XRCC5: variants seen among roughly 807,000 people sequenced by gnomAD.
XRCC5 encodes the protein X-ray repair cross complementing 5, also known as DNA repair protein Ku80.
Under a neutral mutation model 95.7 loss-of-function variants are expected in XRCC5, and 12 were observed. The observed-to-expected ratio is 0.13, with a 90% CI of 0.08 to 0.20. The LOEUF (loss-of-function observed/expected upper bound fraction) is 0.20. Among genes scored for constraint, XRCC5 ranks in the 10% least tolerant of loss-of-function variants. The probability of loss-of-function intolerance (pLI) is 1.00; values close to 1 mark genes in which losing one functional copy is unlikely to be tolerated. For synonymous variants in XRCC5, 281 were observed against 290.3 expected, an observed-to-expected ratio of 0.97 and a Z score of 0.33; for missense variants, 595 against 873.9, an observed-to-expected ratio of 0.68 and a Z score of 4.02.
At chr2:216,181,013 G>C (rs1446665145) in intron 16 of XRCC5, among the ~76,000 whole-genome samples, 1 of 151,732 alleles carries the variant, frequency 6.6e-6, no homozygotes. Flanking sequence ...GGGTTTCTCT[G>C]TATTGGTCAG....
At position 216,187,819 on chromosome 2, in the gene XRCC5, ACACTCTCTCTCT is replaced by A. The variant is rs1489156425; in HGVS notation, c.1835-2404_1835-2393del. Among the ~76,000 whole-genome samples the A allele has an allele frequency of 2.5e-4, 13 of 51,002 alleles. No homozygotes were observed. In the Admixed American group the frequency reaches 2.7e-3, roughly 11 times the overall value. The allele number at this position is 51,002 out of a possible 152,430, so 33.5% of individuals were successfully genotyped here. On this transcript the variant is annotated intron_variant, in intron 16 of 20. Transcript: ENST00000392132. The stretch of plus-strand genomic sequence containing the variant: ...CACACACACACACACACACACACAC[ACACTCTCTCTCT>A]CTCTCTCTCTCTCTCTCTCTCTCTC...
chr2:216,187,688 C>T (rs1370877626), intron 16 of XRCC5, among the ~76,000 whole-genome samples: 1 of 151,478 alleles, frequency 6.6e-6, no homozygotes, highest in Non-Finnish European at 1.5e-5. Context: ...TCTTTTTACT[C>T]TTTTCCGTGT....
chr2:216,111,516 T>C (rs1487940154), intron 1 of XRCC5: 2 of 292,326 alleles, frequency 6.8e-6, no homozygotes, highest in South Asian at 4.9e-5. Context: ...AGTGAGACCA[T>C]GTCTCAAAAA....
intron 14 of XRCC5, among the ~76,000 whole-genome samples, chr2:216,150,450 T>A (rs1441952013): frequency 1.3e-5 from 2 of 152,174 alleles, no homozygotes; most frequent in African/African-American, 2.4e-5. Flanking sequence ...TTAGGCAATT[T>A]CGTTGTGCGA....
At chr2:216,164,125 C>T (rs1443358249) in intron 16 of XRCC5, among the ~76,000 whole-genome samples, 1 of 152,150 alleles carries the variant, frequency 6.6e-6, no homozygotes, top group African/African-American at 2.4e-5. Context: ...TTACAGGGTG[C>T]TCGGAAAGTG....
At position 216,137,981 on chromosome 2, in the gene XRCC5, G is replaced by GC. The variant is rs576299749; in HGVS notation, c.1252-108_1252-107insC. 4.0e-4 allele frequency: 397 copies of GC among 985,330 alleles called. 3 individuals are homozygous for GC. In the African/African-American group the frequency reaches 6.0e-3, roughly 15 times the overall value. The allele number at this position is 985,330 out of a possible 1,614,324, so 61.0% of individuals were successfully genotyped here. On this transcript the variant is annotated intron_variant, in intron 11 of 20. Coordinates refer to ENST00000392132, the MANE Select transcript of XRCC5 (RefSeq NM_021141.4). ...TTCATATGCCAGAGTTGGGCTGTCC[G>GC]ATTTTTGAAATATTTCTGTTATGCT... is the stretch of plus-strand genomic sequence containing the variant.
intron 19 of XRCC5, among the ~76,000 whole-genome samples, chr2:216,197,448 G>GA (rs369842827): frequency 0.54 from 59,971 of 110,088 alleles, 15,719 homozygotes; most frequent in East Asian, 0.8. Flanking sequence ...TCTGTCCCAG[G>GA]AAAAAAAAAA....
intron 13 of XRCC5, among the ~76,000 whole-genome samples, chr2:216,145,704 T>C (rs1264953269): frequency 6.6e-6 from 1 of 152,214 alleles, no homozygotes; most frequent in Non-Finnish European, 1.5e-5. Flanking sequence ...GAACATCTCT[T>C]GTAGATCCTT....
intron 16 of XRCC5, among the ~76,000 whole-genome samples, chr2:216,169,339 C>G (rs531703749): frequency 1.3e-5 from 2 of 152,328 alleles, no homozygotes; most frequent in South Asian, 4.1e-4. Context: ...AAGGTCTTTT[C>G]AGGACACAGC....
intron 6 of XRCC5, among the ~76,000 whole-genome samples, chr2:216,125,114 TA>T (rs1696881413): frequency 6.6e-6 from 1 of 152,162 alleles, no homozygotes; most frequent in Non-Finnish European, 1.5e-5. Flanking sequence ...ATTAATGAAT[TA>T]TAGAGTTGTA....
intron 13 of XRCC5, among the ~76,000 whole-genome samples, chr2:216,146,313 T>C (rs1470800698): frequency 6.7e-6 from 1 of 150,056 alleles, no homozygotes; most frequent in East Asian, 1.9e-4. Context: ...GGACATTGAC[T>C]CTTGGATGAT....
intron 12 of XRCC5, among the ~76,000 whole-genome samples, chr2:216,140,191 A>G (rs927133314): frequency 1.3e-5 from 2 of 152,262 alleles, no homozygotes; most frequent in Non-Finnish European, 2.9e-5. Context: ...TGGGTAAAAA[A>G]GAAATATCTG....
intron 14 of XRCC5, among the ~76,000 whole-genome samples, chr2:216,159,670 G>C (rs1316861897): frequency 6.6e-6 from 1 of 152,198 alleles, no homozygotes; most frequent in African/African-American, 2.4e-5. Context: ...AAAGCTAATA[G>C]CTGTCAATTC....
chr2:216,200,045 CA>C (rs2106053717), intron 19 of XRCC5, among the ~76,000 whole-genome samples: 1 of 151,226 alleles, frequency 6.6e-6, no homozygotes, highest in East Asian at 1.9e-4. Flanking sequence ...GCCATTTTAC[CA>C]ACACCCCTGT....
At chr2:216,158,094 C>G (rs1417361307) in intron 14 of XRCC5, among the ~76,000 whole-genome samples, 1 of 152,148 alleles carries the variant, frequency 6.6e-6, no homozygotes, top group African/African-American at 2.4e-5. Context: ...ACCCTTCTTT[C>G]CCTAGAACCT....
intron 10 of XRCC5, 34 bp from the exon 11 acceptor site, chr2:216,137,054 G>C (rs755815199): frequency 5.6e-6 from 9 of 1,597,968 alleles, no homozygotes; most frequent in Non-Finnish European, 7.7e-6. Context: ...CTCACATGTT[G>C]AATATGTGTT....
intron 13 of XRCC5, 67 bp downstream of exon 13, chr2:216,141,386 G>A: frequency 6.3e-7 from 1 of 1,578,732 alleles, no homozygotes; most frequent in South Asian, 1.1e-5. Flanking sequence ...CAAAGTTGCG[G>A]TAATTGGCCA....
intron 14 of XRCC5, chr2:216,156,511 C>T: frequency 1.6e-6 from 1 of 623,172 alleles, no homozygotes; most frequent in South Asian, 1.4e-5. Context: ...CACAGCAAAA[C>T]AAGACTTCCT....
intron 5 of XRCC5, among the ~76,000 whole-genome samples, chr2:216,120,962 C>T (rs1180851183): frequency 1.3e-5 from 2 of 152,152 alleles, no homozygotes; most frequent in African/African-American, 4.8e-5. Flanking sequence ...TCTTGAACTC[C>T]GGACCTCAAG....
Sources: allele counts gnomAD v4.1 joint callset (sites outside exome capture counted in the v4.1 genomes callset), GRCh38; gene constraint gnomAD v4.1.1; transcripts MANE v1.5; gene names NCBI Gene and HGNC (gene_info 2026-07-23, HGNC 2026-07-21).